Variants in MUC4 observed in about 807,000 individuals in gnomAD.
The protein encoded by MUC4 is mucin 4, cell surface associated, also known as mucin-4.
In MUC4, 202 loss-of-function variants were observed where a neutral mutation model predicts 257.9. The observed-to-expected ratio is 0.78, with a 90% CI of 0.70 to 0.88. The LOEUF is 0.88. Among genes scored for constraint, MUC4 ranks in the 40% least tolerant of loss-of-function variants. The pLI is 0.00. For missense variants in MUC4, 5,976 were observed against 6,513.7 expected, an observed-to-expected ratio of 0.92 and a Z score of 2.84; for synonymous variants, 2,351 against 2,757.1, an observed-to-expected ratio of 0.85 and a Z score of 4.62.
chr3:195,767,727 T>TCATCACCACCATCATTGC (rs1560264093), intron 7 of MUC4, among the ~76,000 whole-genome samples: 1 of 1,648 alleles, frequency 6.1e-4, no homozygotes, highest in Non-Finnish European at 1.1e-3. Context: ...ACCACCACCA[T>TCATCACCACCATCATTGC]CACCACCACC....
chr3:195,796,607 C>A (rs1041122900), intron 1 of MUC4, among the ~76,000 whole-genome samples: 1 of 151,894 alleles, frequency 6.6e-6, no homozygotes. Flanking sequence ...AGGAGAACGG[C>A]GTGAACCTGG....
intron 1 of MUC4, among the ~76,000 whole-genome samples, chr3:195,795,020 T>G (rs1372841250): frequency 6.6e-6 from 1 of 152,332 alleles, no homozygotes; most frequent in East Asian, 1.9e-4. Context: ...AAACGGAAAC[T>G]TCCTTTAGTT....
rs1301187280 is a variant in MUC4 at position 195,754,314 on chromosome 3, T to C, written c.15227A>G (p.Asp5076Gly). 2 of 1,613,256 alleles carry C rather than the reference T, an allele frequency of 1.2e-6. No individual in the cohort carries two copies. The highest frequency in any genetic ancestry group is 1.7e-6 in the Non-Finnish European group (2 of 1,179,886). The change falls in exon 19 of 25, where the codon GAT (aspartate) becomes GGT (glycine). Residue 5076 changes from aspartate (D) to glycine (G), a missense_variant. Asp to Gly is a moderately conservative substitution (Grantham distance 94). This residue lies in a region of MUC4 where 996 missense variants were observed against 1,137.3 expected (regional missense o/e 0.88). Transcript: ENST00000463781. ...TFGRYCEGSE[D>G]ACEEPCFPSV... Reference sequence around the variant, plus strand: ...CGGGAAGCACGGCTCCTCACAGGCATCCTCGGAGCCCTCGCAGTAGCGGCC... The same window carrying C: ...CGGGAAGCACGGCTCCTCACAGGCACCCTCGGAGCCCTCGCAGTAGCGGCC...
At position 195,778,336 on chromosome 3, in the gene MUC4, T is replaced by C. The variant is rs1384893421; in HGVS notation, c.12910A>G (p.Thr4304Ala). Residue 4304 changes from threonine to alanine, a missense_variant, in exon 3 of 25, where the codon ACA becomes GCA. By Grantham distance (58) the Thr-to-Ala change is moderately conservative. Transcript: ENST00000463781. ...GGCAGGATGGGGATGGGGGCAGCTG[T>C]GGAGCGGGTGTGCATGGCAGTGCTG... ...IPSTAMHTRS[T>A]AAPIPILPER... 2 of 1,612,290 alleles carry C rather than the reference T, an allele frequency of 1.2e-6. No individual in the cohort carries two copies. Among genetic ancestry groups the C allele is most frequent in the Admixed American group, 3.3e-5 (2 of 59,922 alleles).
intron 19 of MUC4, chr3:195,753,966 T>A: frequency 9.8e-6 from 4 of 407,264 alleles, no homozygotes; most frequent in Non-Finnish European, 1.3e-5. Flanking sequence ...TCCCCTCCCC[T>A]ATGCCTGTAC....
chr3:195,751,224 G>A lies in MUC4; in HGVS notation c.15630C>T (p.Asn5210=). 6.2e-7 allele frequency: 1 copy of A among 1,607,244 alleles called. No homozygotes were observed. Among genetic ancestry groups the A allele is most frequent in the Non-Finnish European group, 8.5e-7 (1 of 1,177,272 alleles). ...CCACTTACATTCGTTCCACTTGGCTGTTGCGGAGAAAGGCCCGCATGTCCA... is the reference window on the plus strand; with the variant it reads ...CCACTTACATTCGTTCCACTTGGCTATTGCGGAGAAAGGCCCGCATGTCCA... ...GTLDMRAFLR[N]SQVERIDSAA... Residue 5210 remains asparagine (N), a synonymous_variant, in exon 22 of 25, where the codon AAC becomes AAT. Coordinates refer to ENST00000463781, the MANE Select transcript of MUC4 (RefSeq NM_018406.7).
rs771999318 is a variant in MUC4, at chr3:195,788,885, G to C, written c.2695C>G (p.Gln899Glu). 1 of 1,613,796 alleles carries C rather than the reference G, an allele frequency of 6.2e-7. No individual in the cohort carries two copies. Among genetic ancestry groups the C allele is most frequent in the South Asian group, 1.1e-5 (1 of 91,058 alleles). ...SSPTSPSASP[Q>E]ETAAISRMAQ... ...ATCCGGGAAATGGCGGCTGTCTCCT[G>C]AGGAGAGGCACTGGGAGAAGTTGGG... The change falls in exon 2 of 25, where the codon CAG becomes GAG. Residue 899 changes from glutamine (Q) to glutamate (E), a missense_variant. Coordinates refer to ENST00000463781, the MANE Select transcript of MUC4 (RefSeq NM_018406.7).
chr3:195,746,996 G>T lies in MUC4; in HGVS notation c.*180C>A, dbSNP rs1715162141. Reference sequence around the variant, plus strand: ...TGTTTGATCTTTATGGCCTCCCCCTGTGCACCTGCGCCTATGGATAAGGTA... The same window carrying T: ...TGTTTGATCTTTATGGCCTCCCCCTTTGCACCTGCGCCTATGGATAAGGTA... On this transcript the variant is annotated 3_prime_UTR_variant, in exon 25 of 25. Coordinates refer to ENST00000463781, the MANE Select transcript of MUC4 (RefSeq NM_018406.7). The T allele has an allele frequency of 1.1e-6, 1 of 886,422 alleles. No individual in the cohort carries two copies. Among genetic ancestry groups the T allele is most frequent in the Non-Finnish European group, 1.7e-6 (1 of 584,874 alleles). 54.9% of individuals were successfully genotyped at this position (886,422 alleles called of 1,614,324 possible). A position where few individuals can be genotyped will look rare whatever the true frequency, so the allele number is the denominator to read the frequency against.
intron 13 of MUC4, 58 bp from the exon 14 acceptor site, chr3:195,762,312 AC>A (rs1406037438): frequency 6.7e-7 from 1 of 1,497,228 alleles, no homozygotes; most frequent in East Asian, 2.5e-5. Context: ...CCCGCACCAA[AC>A]CCGCGCCCTG....
intron 6 of MUC4, 199 bp from the exon 7 acceptor site, chr3:195,769,351 A>T (rs1047773318): frequency 7.6e-6 from 5 of 657,254 alleles, no homozygotes; most frequent in Non-Finnish European, 1.2e-5. Flanking sequence ...GTGCGAACGC[A>T]CTTACCACGG....
At position 195,785,668 on chromosome 3, in the gene MUC4, A is replaced by T; in HGVS notation, c.5912T>A (p.Val1971Asp). The T allele has an allele frequency of 5.3e-6, 8 of 1,511,784 alleles. No homozygotes were observed. Among genetic ancestry groups the T allele is most frequent in the Middle Eastern group, 2.2e-4 (1 of 4,642 alleles). The allele number at this position is 1,511,784 out of a possible 1,614,324, so 93.6% of individuals were successfully genotyped here. ...TGTGGACACTGAGGAAGCGTCGGTG[A>T]CAGGAAGAGAGGTGGCGTGACCTGT... is the stretch of plus-strand genomic sequence containing the variant. The part of the protein sequence containing the change: ...VPTGHATSLP[V>D]TDASSVSTGH... Residue 1971 changes from valine to aspartate, a missense_variant, in exon 2 of 25, where the codon GTC (valine) becomes GAC (aspartate). Physicochemically the swap from Val to Asp is radical, Grantham distance 152. Transcript: ENST00000463781.
chr3:195,748,803 ATC>A, intron 24 of MUC4, 97 bp downstream of exon 24: 1 of 1,394,164 alleles, frequency 7.2e-7, no homozygotes. Context: ...CTGGTCTCTG[ATC>A]TCTCGAGCCA....
intron 23 of MUC4, chr3:195,750,550 A>C: frequency 2.6e-6 from 1 of 378,474 alleles, no homozygotes; most frequent in Non-Finnish European, 4.9e-6. Context: ...GAGAGCAGAG[A>C]CGATGGGGGT....
intron 5 of MUC4, among the ~76,000 whole-genome samples, chr3:195,771,111 G>A (rs1195073259): frequency 1.3e-5 from 2 of 149,204 alleles, no homozygotes; most frequent in South Asian, 2.1e-4. Flanking sequence ...TCAGTCTCGT[G>A]GCCGGGTTGG....
At chr3:195,759,780 A>G (rs945481704) in intron 16 of MUC4, among the ~76,000 whole-genome samples, 4 of 152,132 alleles carry the variant, frequency 2.6e-5, no homozygotes, top group South Asian at 2.1e-4. Context: ...TTAGTCAGGC[A>G]TGGTGGCGGG....
At chr3:195,792,649 A>G (rs1238849351) in intron 1 of MUC4, among the ~76,000 whole-genome samples, 1 of 152,248 alleles carries the variant, frequency 6.6e-6, no homozygotes, top group Non-Finnish European at 1.5e-5. Flanking sequence ...CCAAAGGAAT[A>G]TAAATCATTC....
chr3:195,778,862 G>A lies in MUC4; in HGVS notation c.12718C>T (p.Pro4240Ser), dbSNP rs369624073. ...GAGGTAGCACTGCTGACAGCAAGAG[G>A]GGTGGCGTGACCTGTGGATACTGAG... Reference protein sequence around the residue: ...LSSVSTGHATPLAVSSATSAS... With the variant: ...LSSVSTGHATSLAVSSATSAS... The change falls in exon 2 of 25, where the codon CCT becomes TCT. Residue 4240 changes from proline to serine, a missense_variant. Coordinates refer to ENST00000463781, the MANE Select transcript of MUC4 (RefSeq NM_018406.7). The A allele has an allele frequency of 1.2e-6, 2 of 1,608,606 alleles. No homozygotes were observed. Among genetic ancestry groups the A allele is most frequent in the Admixed American group, 3.4e-5 (2 of 59,512 alleles).
At chr3:195,808,871 T>A (rs747028507) in intron 1 of MUC4, among the ~76,000 whole-genome samples, 1 of 152,162 alleles carries the variant, frequency 6.6e-6, no homozygotes, top group Non-Finnish European at 1.5e-5. Flanking sequence ...TGAGGTGGCC[T>A]GTCCCAGACT....
intron 17 of MUC4, among the ~76,000 whole-genome samples, chr3:195,758,724 G>A (rs1718174295): frequency 1.1e-5 from 1 of 92,992 alleles, no homozygotes; most frequent in Admixed American, 1.1e-4. Context: ...CACCATGCCT[G>A]GCTTTTTTTT....
Sources: gnomAD v4.1 joint callset for allele counts (sites outside exome capture counted in the v4.1 genomes callset) on GRCh38, gnomAD v4.1.1 for gene constraint, gnomAD v4.1.1 regional missense constraint, MANE v1.5 for transcripts, NCBI Gene and HGNC (gene_info 2026-07-23, HGNC 2026-07-21) for gene names.